The following MALRD1 variants were observed in gnomAD, a reference collection of about 807,000 sequenced individuals.
The protein encoded by MALRD1 is MAM and LDL receptor class A domain containing 1.
In MALRD1, 247 loss-of-function variants were observed where a neutral mutation model predicts 242.1. The ratio of observed to expected loss-of-function variants is 1.02; its 90% CI spans 0.92 to 1.13. The LOEUF is 1.13. MALRD1 is among the 50% of genes most tolerant of loss of function. The pLI, the probability that MALRD1 is intolerant of heterozygous loss-of-function variation, is 0.00. For missense variants in MALRD1, 2,989 were observed against 2,533.1 expected (o/e 1.18, Z -3.86); for synonymous variants, 995 against 866.6 (o/e 1.15, Z -2.60).
chr10:19,319,326 G>A (rs74358715), intron 21 of MALRD1, among the ~76,000 whole-genome samples: 1 of 151,966 alleles, frequency 6.6e-6, no homozygotes, highest in African/African-American at 2.4e-5. Flanking sequence ...TACCAGTCAA[G>A]GTTCATTTTT....
At chr10:19,640,977 C>T (rs1840361049) in intron 36 of MALRD1, among the ~76,000 whole-genome samples, 1 of 152,130 alleles carries the variant, frequency 6.6e-6, no homozygotes, top group South Asian at 2.1e-4. Flanking sequence ...CCCATATTAT[C>T]ATTTTAATGC....
In MALRD1 at chr10:19,530,385, T is replaced by TATAAATATATA. The variant is rs1564417200; in HGVS notation, c.5321-806_5321-805insAATATATAATA. On this transcript the variant is annotated intron_variant, in intron 31 of 39. Coordinates refer to ENST00000454679, the MANE Select transcript of MALRD1 (RefSeq NM_001142308.3). ...TATATAAATATTTATATAAATATTA[T>TATAAATATATA]ATATTTATATAAATATTATATATTT... Among the ~76,000 whole-genome samples the TATAAATATATA allele has an allele frequency of 2.0e-3, 172 of 85,218 alleles. 9 individuals carry two copies. The highest frequency in any genetic ancestry group is 7.9e-3 in the African/African-American group (131 of 16,526). The allele number at this position is 85,218 out of a possible 152,430, so 55.9% of individuals were successfully genotyped here.
intron 26 of MALRD1, among the ~76,000 whole-genome samples, chr10:19,371,083 C>G (rs1269553044): frequency 1.6e-5 from 2 of 123,606 alleles, no homozygotes; most frequent in Non-Finnish European, 3.3e-5. Flanking sequence ...GGCCCTCTCT[C>G]TACGAAATTA....
At chr10:19,695,908 G>C (rs1025561433) in intron 38 of MALRD1, among the ~76,000 whole-genome samples, 1 of 152,048 alleles carries the variant, frequency 6.6e-6, no homozygotes, top group Admixed American at 6.6e-5. Context: ...CTTGTGAGAC[G>C]TAATCACTAT....
At chr10:19,281,710 G>A (rs369030918) in intron 20 of MALRD1, among the ~76,000 whole-genome samples, 5 of 152,134 alleles carry the variant, frequency 3.3e-5, no homozygotes, top group South Asian at 2.1e-4. Context: ...AGTGGCTCAC[G>A]CCTGTAATCA....
chr10:19,082,485 C>A (rs2131283210), intron 2 of MALRD1, among the ~76,000 whole-genome samples: 1 of 151,712 alleles, frequency 6.6e-6, no homozygotes, highest in South Asian at 2.1e-4. Context: ...CTTATGATTT[C>A]TGTAGTTCTT....
chr10:19,243,833 T>C (rs1838919402), intron 18 of MALRD1, among the ~76,000 whole-genome samples: 1 of 152,148 alleles, frequency 6.6e-6, no homozygotes, highest in South Asian at 2.1e-4. Flanking sequence ...GTGATGGTTC[T>C]CTGAAGAGGC....
intron 21 of MALRD1, among the ~76,000 whole-genome samples, chr10:19,292,674 C>T (rs1197428962): frequency 6.6e-6 from 1 of 151,798 alleles, no homozygotes; most frequent in Non-Finnish European, 1.5e-5. Flanking sequence ...GGGCGGATCA[C>T]GAGGTCAGGA....
intron 28 of MALRD1, among the ~76,000 whole-genome samples, chr10:19,443,025 A>G (rs1834758367): frequency 6.6e-6 from 1 of 152,178 alleles, no homozygotes; most frequent in Non-Finnish European, 1.5e-5. Context: ...CAGGGATTCA[A>G]CTTCTTCCTG....
At chr10:19,227,415 A>G (rs1046148593) in intron 18 of MALRD1, among the ~76,000 whole-genome samples, 7 of 152,120 alleles carry the variant, frequency 4.6e-5, no homozygotes, top group African/African-American at 1.7e-4. Context: ...TTAAAATTGG[A>G]TATTAAATGG....
intron 38 of MALRD1, among the ~76,000 whole-genome samples, chr10:19,702,739 A>T (rs1407482995): frequency 6.6e-6 from 1 of 152,174 alleles, no homozygotes; most frequent in African/African-American, 2.4e-5. Context: ...AGAGATGGCT[A>T]AATGAAATAA....
chr10:19,282,960 T>C, intron 20 of MALRD1, 59 bp from the exon 21 acceptor site: 2 of 1,267,520 alleles, frequency 1.6e-6, no homozygotes, highest in Non-Finnish European at 1.1e-6. Context: ...TGATTAAGAT[T>C]GTACAGATAG....
chr10:19,664,992 T>C (rs12777618), intron 36 of MALRD1, among the ~76,000 whole-genome samples: 7,416 of 152,238 alleles, frequency 0.049, 242 homozygotes, highest in Middle Eastern at 0.092. Context: ...CTTATTAAGA[T>C]TGATTATATT....
intron 28 of MALRD1, among the ~76,000 whole-genome samples, chr10:19,449,042 A>G (rs2131030956): frequency 6.6e-6 from 1 of 152,322 alleles, no homozygotes; most frequent in East Asian, 1.9e-4. Flanking sequence ...AAGTTTGGAT[A>G]GCTAATTACA....
chr10:19,382,891 C>T (rs1448630472), intron 26 of MALRD1, among the ~76,000 whole-genome samples: 3 of 152,116 alleles, frequency 2.0e-5, no homozygotes, highest in Non-Finnish European at 4.4e-5. Flanking sequence ...GATGTATACT[C>T]TTTCTTTAGT....
chr10:19,444,647 C>T (rs1834860926), intron 28 of MALRD1, among the ~76,000 whole-genome samples: 1 of 152,224 alleles, frequency 6.6e-6, no homozygotes, highest in Non-Finnish European at 1.5e-5. Flanking sequence ...TCACTCTCTT[C>T]TGGCTTGTAG....
intron 29 of MALRD1, among the ~76,000 whole-genome samples, chr10:19,468,911 T>A (rs1190052844): frequency 6.6e-6 from 1 of 152,126 alleles, no homozygotes; most frequent in Admixed American, 6.5e-5. Context: ...GTTTTCTTTA[T>A]GTCTCTCTCT....
intron 18 of MALRD1, among the ~76,000 whole-genome samples, chr10:19,232,867 T>C (rs78603243): frequency 0.079 from 11,965 of 152,100 alleles, 561 homozygotes; most frequent in African/African-American, 0.13. Context: ...AACAAAATGG[T>C]TCAGGCATCC....
At chr10:19,697,943 A>G (rs1297634036) in intron 38 of MALRD1, among the ~76,000 whole-genome samples, 1 of 151,740 alleles carries the variant, frequency 6.6e-6, no homozygotes, top group Non-Finnish European at 1.5e-5. Context: ...CTCTCCATCC[A>G]CTTTTCTTCC....
Sources: allele counts gnomAD v4.1 joint callset (sites outside exome capture counted in the v4.1 genomes callset), GRCh38; gene constraint gnomAD v4.1.1; transcripts MANE v1.5; gene names NCBI Gene and HGNC (gene_info 2026-07-23, HGNC 2026-07-21).